Variants in PYGO1 observed in about 807,000 individuals in gnomAD.
PYGO1 encodes the protein pygopus homolog 1.
A neutral mutation model predicts 29.5 loss-of-function variants in PYGO1; 6 were observed. The ratio of observed to expected loss-of-function variants is 0.20; its 90% CI spans 0.11 to 0.40. PYGO1 has a LOEUF of 0.40. Among genes scored for constraint, PYGO1 ranks in the 10% least tolerant of loss-of-function variants. The pLI is 1.00. For missense variants in PYGO1, 515 were observed against 514.9 expected, an observed-to-expected ratio of 1.00 and a Z score of 0.00; for synonymous variants, 186 against 180.5, an observed-to-expected ratio of 1.03 and a Z score of -0.24.
Position 55,546,076 on chromosome 15 carries a change from A to G in PYGO1, c.1207T>C (p.Leu403=), listed in dbSNP as rs1173857105. 1 of 1,614,170 alleles carries G rather than the reference A, an allele frequency of 6.2e-7. No individual in the cohort carries two copies. Among genetic ancestry groups the G allele is most frequent in the South Asian group, 1.1e-5 (1 of 91,076 alleles). The change falls in exon 3 of 3, where the codon TTA becomes CTA. Residue 403 remains leucine, a synonymous_variant. Coordinates refer to ENST00000563719, the MANE Select transcript of PYGO1 (RefSeq NM_001367806.1). ...DTCMADKDVQ[L]MRTRETFGPS... is the part of the protein sequence containing the mutation. ...CCAAAAGTTTCTCTAGTACGCATTA[A>G]CTGGACATCTTTGTCAGCCATACAG...
chr15:55,587,469 AGGG>A (rs1032717585), intron 1 of PYGO1, among the ~76,000 whole-genome samples: 1 of 143,666 alleles, frequency 7.0e-6, no homozygotes. Context: ...ACTTTTTTTG[AGGG>A]GGTGGGCACC....
intron 1 of PYGO1, among the ~76,000 whole-genome samples, chr15:55,573,150 CA>C (rs1391737700): frequency 1.3e-5 from 2 of 151,802 alleles, no homozygotes; most frequent in African/African-American, 2.4e-5. Flanking sequence ...ACTAAAAATA[CA>C]AAAAATTAGC....
intron 1 of PYGO1, among the ~76,000 whole-genome samples, chr15:55,551,882 T>C (rs888624519): frequency 7.2e-5 from 11 of 152,018 alleles, no homozygotes; most frequent in Admixed American, 2.0e-4. Flanking sequence ...CAAAGGATAA[T>C]ACATCATGAC....
chr15:55,540,793 A>G lies in PYGO1; in HGVS notation c.*5230T>C, dbSNP rs1033221741. The G allele has an allele frequency of 1.3e-5, 2 of 152,218 alleles. No homozygotes were observed. The highest frequency in any genetic ancestry group is 4.8e-5 in the African/African-American group (2 of 41,468). 9.4% of individuals were successfully genotyped at this position (152,218 alleles called of 1,614,324 possible). A position where few individuals can be genotyped will look rare whatever the true frequency, so the allele number is the denominator to read the frequency against. On this transcript the variant is annotated 3_prime_UTR_variant, in exon 3 of 3. Transcript: ENST00000563719. ...TGTTCTAAGAACAAAACAAAAAGTTACTGCAAAAATACATGTCACCAATGT... is the reference window on the plus strand; with the variant it reads ...TGTTCTAAGAACAAAACAAAAAGTTGCTGCAAAAATACATGTCACCAATGT...
chr15:55,555,110 G>C (rs1002288223), intron 1 of PYGO1, among the ~76,000 whole-genome samples: 1 of 152,042 alleles, frequency 6.6e-6, no homozygotes, highest in Non-Finnish European at 1.5e-5. Flanking sequence ...CTGCCAGAGA[G>C]AAAGGCCAGG....
chr15:55,579,123 G>A (rs2059015782), intron 1 of PYGO1, among the ~76,000 whole-genome samples: 1 of 151,982 alleles, frequency 6.6e-6, no homozygotes, highest in African/African-American at 2.4e-5. Context: ...CAAATTTGAT[G>A]GTTTAAATAA....
chr15:55,564,695 T>G (rs911029978), intron 1 of PYGO1, among the ~76,000 whole-genome samples: 1 of 152,218 alleles, frequency 6.6e-6, no homozygotes, highest in Non-Finnish European at 1.5e-5. Context: ...TACTCTAAGA[T>G]AGTTTAAATG....
rs540685172 is a variant in PYGO1 at position 55,574,761 on chromosome 15, A to C, written c.49+13074T>G. ...AATGTCATTTATTTTTTATCTACCT[A>C]CAATATATGGCCTTATCCACAGGCA... is the stretch of plus-strand genomic sequence containing the variant. On this transcript the variant is annotated intron_variant, in intron 1 of 2. Transcript: ENST00000563719. 1.8e-4 allele frequency among the ~76,000 whole-genome samples: 27 copies of C among 152,266 alleles called. No individual in the cohort carries two copies. The East Asian group carries it at 4.8e-3, about 27-fold the overall frequency.
chr15:55,581,046 T>C (rs992980828), intron 1 of PYGO1, among the ~76,000 whole-genome samples: 2 of 152,206 alleles, frequency 1.3e-5, no homozygotes, highest in East Asian at 1.9e-4. Context: ...TTATAACCTA[T>C]AGGAAACAAT....
At position 55,546,856 on chromosome 15, in the gene PYGO1, G is replaced by T. The variant is rs141757049; in HGVS notation, c.427C>A (p.Pro143Thr). ...TGTGGCCCAAAGTTAAAAGCATGAG[G>T]TCGATTAAAACCCATGCCCAGAGGA... Reference protein sequence around the residue: ...QNPLGMGFNRPHAFNFGPHDN... With the variant: ...QNPLGMGFNRTHAFNFGPHDN... The change falls in exon 3 of 3, where the codon CCT becomes ACT. Residue 143 changes from proline (P) to threonine (T), a missense_variant. Pro to Thr is a conservative substitution (Grantham distance 38). Transcript: ENST00000563719. 10 of 1,613,972 alleles carry T rather than the reference G, an allele frequency of 6.2e-6. No homozygotes were observed. Among genetic ancestry groups the T allele is most frequent in the Non-Finnish European group, 8.5e-6 (10 of 1,180,016 alleles).
rs776509973 is a variant in PYGO1, at chr15:55,547,162, T to G, written c.136-15A>C. On this transcript the variant is annotated splice_polypyrimidine_tract_variant and intron_variant, in intron 2 of 2. Coordinates refer to ENST00000563719, the MANE Select transcript of PYGO1 (RefSeq NM_001367806.1). ...AAAGAAGGTCCCTGAAATGAGAATG[T>G]AAAGTAAAATACATGTTTTCGATCA... is the stretch of plus-strand genomic sequence containing the variant. The G allele has an allele frequency of 2.1e-5, 32 of 1,559,618 alleles. No individual in the cohort carries two copies. The highest frequency in any genetic ancestry group is 2.6e-5 in the Non-Finnish European group (30 of 1,154,304).
chr15:55,565,367 C>T (rs1381688275), intron 1 of PYGO1, among the ~76,000 whole-genome samples: 2 of 151,874 alleles, frequency 1.3e-5, no homozygotes, highest in African/African-American at 4.8e-5. Flanking sequence ...ATTTATCTCA[C>T]CATGTATAAA....
At chr15:55,570,524 T>TAAA (rs11409320) in intron 1 of PYGO1, among the ~76,000 whole-genome samples, 2 of 148,860 alleles carry the variant, frequency 1.3e-5, no homozygotes. Context: ...TTTCATATAC[T>TAAA]AAAAAAAAAA....
At position 55,546,385 on chromosome 15, in the gene PYGO1, C is replaced by G. The variant is rs769050281; in HGVS notation, c.898G>C (p.Ala300Pro). ...CGTGGCTTATTCTGCGTCCCATTTGCAGGGTTATTGTTTGTGGCTTCAGTG... is the reference window on the plus strand; with the variant it reads ...CGTGGCTTATTCTGCGTCCCATTTGGAGGGTTATTGTTTGTGGCTTCAGTG... ...SSTEATNNNPANGTQNKPRQP... is the reference protein window; with the variant it reads ...SSTEATNNNPPNGTQNKPRQP... The change falls in exon 3 of 3, where the codon GCA (alanine) becomes CCA (proline). Residue 300 changes from alanine (A) to proline (P), a missense_variant. Coordinates refer to ENST00000563719, the MANE Select transcript of PYGO1 (RefSeq NM_001367806.1). The G allele has an allele frequency of 2.8e-5, 45 of 1,614,066 alleles. No homozygotes were observed. The Admixed American group carries it at 7.5e-4, about 27-fold the overall frequency.
At chr15:55,575,725 C>T (rs2058998527) in intron 1 of PYGO1, among the ~76,000 whole-genome samples, 1 of 152,080 alleles carries the variant, frequency 6.6e-6, no homozygotes, top group Admixed American at 6.6e-5. Context: ...GTAGTATTTC[C>T]AACACTTGCA....
intron 1 of PYGO1, among the ~76,000 whole-genome samples, chr15:55,577,507 C>T (rs80038358): frequency 0.058 from 8,827 of 151,844 alleles, 576 homozygotes; most frequent in East Asian, 0.36. Context: ...GCAAGTCATT[C>T]CCAATTTTTA....
rs745771992 is a variant in PYGO1 at position 55,547,016 on chromosome 15, T to C, written c.267A>G (p.Pro89=). 20 of 1,613,990 alleles carry C rather than the reference T, an allele frequency of 1.2e-5. No individual in the cohort carries two copies. In the East Asian group the frequency reaches 4.2e-4, roughly 34 times the overall value. The part of the protein sequence containing the change: ...ISYKPLPSSN[P]YLGPGYPGFG... ...AGCCAGGATAACCAGGGCCAAGATA[T>C]GGATTTGACGAAGGTAGTGGTTTAT... Residue 89 remains proline (P), a synonymous_variant, in exon 3 of 3, where the codon CCA becomes CCG. Transcript: ENST00000563719.
intron 1 of PYGO1, among the ~76,000 whole-genome samples, chr15:55,570,080 G>A (rs1419613084): frequency 6.6e-6 from 1 of 152,160 alleles, no homozygotes; most frequent in Non-Finnish European, 1.5e-5. Context: ...GATCCCCAGT[G>A]GAAAGGTCAG....
chr15:55,568,057 G>T (rs62021861), intron 1 of PYGO1, among the ~76,000 whole-genome samples: 8,173 of 152,102 alleles, frequency 0.054, 276 homozygotes, highest in Middle Eastern at 0.068. Context: ...TTGGCTATTT[G>T]GGCTCTTTTT....
Sources: gnomAD v4.1 joint callset for allele counts (sites outside exome capture counted in the v4.1 genomes callset) on GRCh38, gnomAD v4.1.1 for gene constraint, MANE v1.5 for transcripts, NCBI Gene and HGNC (gene_info 2026-07-23, HGNC 2026-07-21) for gene names.